CCDC77: variants seen among roughly 807,000 people sequenced by gnomAD.
CCDC77 encodes coiled-coil domain-containing protein 77.
In CCDC77, 56 loss-of-function variants were observed where a neutral mutation model predicts 66.8. That is an observed-to-expected ratio of 0.84 (90% CI 0.68 to 1.05). CCDC77 has a LOEUF of 1.05. CCDC77 is among the 50% of genes least tolerant of loss of function. CCDC77 has a pLI of 0.00. For missense variants in CCDC77, 570 were observed against 576.8 expected, an observed-to-expected ratio of 0.99 and a Z score of 0.12; for synonymous variants, 196 against 195.2, an observed-to-expected ratio of 1.00 and a Z score of -0.03.
intron 5 of CCDC77, among the ~76,000 whole-genome samples, chr12:419,092 C>T (rs1041980566): frequency 6.6e-6 from 1 of 152,170 alleles, no homozygotes; most frequent in Non-Finnish European, 1.5e-5. Flanking sequence ...GATTTGCCTT[C>T]ACGGTAGTTA....
At chr12:423,294 T>A (rs1367992827) in intron 5 of CCDC77, among the ~76,000 whole-genome samples, 51 of 122,256 alleles carry the variant, frequency 4.2e-4, no homozygotes, top group African/African-American at 1.5e-3. Context: ...CAGCTAATTT[T>A]TATATATATA....
At chr12:389,433 T>C in exon 1 of CCDC77, 1 of 478,410 alleles carries the variant, frequency 2.1e-6, no homozygotes, top group Admixed American at 3.4e-5. Flanking sequence ...GCTGTTTGTC[T>C]CCTTGCCCGC....
At chr12:410,267 G>T (rs201605774) in intron 3 of CCDC77, among the ~76,000 whole-genome samples, 2 of 148,792 alleles carry the variant, frequency 1.3e-5, no homozygotes, top group South Asian at 4.2e-4. Flanking sequence ...TACTATTTTT[G>T]TTTTTTTTTT....
At chr12:426,029 A>G (rs1316769931) in intron 5 of CCDC77, among the ~76,000 whole-genome samples, 8 of 152,028 alleles carry the variant, frequency 5.3e-5, no homozygotes, top group African/African-American at 1.4e-4. Context: ...ACGCCCAGCT[A>G]ATTTTTGTAC....
intron 3 of CCDC77, 39 bp from the exon 4 acceptor site, chr12:411,708 G>A (rs753916412): frequency 6.2e-5 from 94 of 1,516,628 alleles, no homozygotes; most frequent in East Asian, 1.4e-4. Context: ...ATAAACTTTC[G>A]CAGAGTGTGA....
intron 9 of CCDC77, among the ~76,000 whole-genome samples, chr12:435,284 TG>T (rs1945730606): frequency 6.6e-6 from 1 of 151,598 alleles, no homozygotes; most frequent in African/African-American, 2.4e-5. Context: ...CTTCTTTCTG[TG>T]TTTCATCTAG....
In CCDC77 at chr12:440,640, A is replaced by G. The variant is rs1489374928; in HGVS notation, c.1065A>G (p.Gln355=). ...AGTCCCTAAAAGATAAGTTAGTACA[A>G]GAGAAAAAGCTGTCCAATATGTACC... ...YIKSLKDKLV[Q]EKKLSNMYQE... is the part of the protein sequence containing the mutation. The change falls in exon 11 of 13, where the codon CAA becomes CAG. Residue 355 remains glutamine (Q), a synonymous_variant. Coordinates refer to ENST00000239830, the MANE Select transcript of CCDC77 (RefSeq NM_032358.4). 5.0e-6 allele frequency: 8 copies of G among 1,614,176 alleles called. No individual in the cohort carries two copies. The highest frequency in any genetic ancestry group is 1.1e-5 in the South Asian group (1 of 91,088).
chr12:431,483 G>A (rs750830798), intron 7 of CCDC77, among the ~76,000 whole-genome samples: 11 of 151,954 alleles, frequency 7.2e-5, no homozygotes, highest in Non-Finnish European at 1.5e-4. Context: ...TCCTGCTTTG[G>A]CCTCCCAAAG....
At chr12:434,351 TTC>T (rs1945708614) in intron 9 of CCDC77, among the ~76,000 whole-genome samples, 1 of 149,500 alleles carries the variant, frequency 6.7e-6, no homozygotes, top group Non-Finnish European at 1.5e-5. Flanking sequence ...TAACTTTTCT[TTC>T]TTTTTTTTTT....
chr12:409,587 G>T, intron 3 of CCDC77, 166 bp downstream of exon 3: 1 of 634,498 alleles, frequency 1.6e-6, no homozygotes, highest in South Asian at 1.9e-5. Context: ...TGCAATCATT[G>T]CTCATTGCAG....
At position 438,554 on chromosome 12, in the gene CCDC77, G is replaced by C; in HGVS notation, c.1041G>C (p.Lys347Asn). Residue 347 changes from lysine (K) to asparagine (N), a missense_variant and splice_region_variant, in exon 10 of 13, where the codon AAG (lysine) becomes AAC (asparagine). Physicochemically the swap from Lys to Asn is moderately conservative, Grantham distance 94. Coordinates refer to ENST00000239830, the MANE Select transcript of CCDC77 (RefSeq NM_032358.4). Reference sequence around the variant, plus strand: ...ACCATGCTCAAAGTGAATATATTAAGGTAATGTCCTTATGTCGTAACGAAG... The same window carrying C: ...ACCATGCTCAAAGTGAATATATTAACGTAATGTCCTTATGTCGTAACGAAG... ...ESHHAQSEYI[K>N]SLKDKLVQEK... 6.2e-7 allele frequency: 1 copy of C among 1,602,532 alleles called. No individual in the cohort carries two copies. The highest frequency in any genetic ancestry group is 8.5e-7 in the Non-Finnish European group (1 of 1,171,740).
intron 12 of CCDC77, 116 bp downstream of exon 12, chr12:441,112 G>T (rs1432391664): frequency 7.6e-6 from 8 of 1,059,222 alleles, no homozygotes; most frequent in African/African-American, 1.6e-5. Flanking sequence ...AACACTAACA[G>T]ATCACCATCT....
At chr12:428,471 A>G (rs1047875719) in intron 5 of CCDC77, among the ~76,000 whole-genome samples, 1 of 136,338 alleles carries the variant, frequency 7.3e-6, no homozygotes, top group Non-Finnish European at 1.5e-5. Flanking sequence ...AGACCGCACC[A>G]TTGCACTCCA....
intron 8 of CCDC77, among the ~76,000 whole-genome samples, chr12:432,619 T>G (rs1238863504): frequency 6.6e-6 from 1 of 152,136 alleles, no homozygotes; most frequent in Non-Finnish European, 1.5e-5. Context: ...TCAAGGGAGA[T>G]AGTGAAAAGG....
At chr12:404,513 A>G (rs768901381) in intron 1 of CCDC77, among the ~76,000 whole-genome samples, 1 of 152,076 alleles carries the variant, frequency 6.6e-6, no homozygotes, top group Non-Finnish European at 1.5e-5. Context: ...CATGCCTGTA[A>G]TCTCAGCACT....
chr12:415,346 A>ATTATATTAATATT (rs1565567984), intron 4 of CCDC77, among the ~76,000 whole-genome samples: 2 of 86,818 alleles, frequency 2.3e-5, no homozygotes, highest in East Asian at 1.3e-3. Context: ...ATGTTAATAT[A>ATTATATTAATATT]ATCAACATAA....
In CCDC77 at chr12:414,957, G is replaced by C. The variant is rs75545994; in HGVS notation, c.270+2979G>C. Among the ~76,000 whole-genome samples, 1,025 of 152,108 alleles carry C rather than the reference G, an allele frequency of 6.7e-3. 18 individuals are homozygous for C. The highest frequency in any genetic ancestry group is 0.024 in the African/African-American group (976 of 41,496). ...TAGCAGTACTGAAATATTTGTACTT[G>C]TCCAAATTTAATAGGCTTTTGTTTT... On this transcript the variant is annotated intron_variant, in intron 4 of 12. Transcript: ENST00000239830.
intron 4 of CCDC77, among the ~76,000 whole-genome samples, chr12:415,516 A>T (rs961498306): frequency 4.3e-4 from 55 of 129,178 alleles, no homozygotes; most frequent in African/African-American, 5.6e-4. Context: ...TAATATGTTA[A>T]TATTAACATA....
chr12:441,458 C>A (rs1026320528), intron 12 of CCDC77, among the ~76,000 whole-genome samples: 1 of 152,130 alleles, frequency 6.6e-6, no homozygotes, highest in African/African-American at 2.4e-5. Context: ...GACAAACTTA[C>A]CAGTAGTGTT....
Sources: gnomAD v4.1 joint callset for allele counts (sites outside exome capture counted in the v4.1 genomes callset) on GRCh38, gnomAD v4.1.1 for gene constraint, MANE v1.5 for transcripts, NCBI Gene and HGNC (gene_info 2026-07-23, HGNC 2026-07-21) for gene names.